MCC: variants seen among roughly 807,000 people sequenced by gnomAD.
The protein encoded by MCC is MCC regulator of Wnt signaling pathway.
In MCC, 90 loss-of-function variants were observed where a neutral mutation model predicts 116.2. The observed-to-expected ratio is 0.77, with a 90% CI of 0.65 to 0.92. The LOEUF (loss-of-function observed/expected upper bound fraction) is 0.92. Ranked by LOEUF, MCC falls within the 40% of genes least tolerant of loss-of-function variation. The pLI, the probability that MCC is intolerant of heterozygous loss-of-function variation, is 0.00. For synonymous variants in MCC, 578 were observed against 510.5 expected, an observed-to-expected ratio of 1.13 and a Z score of -1.78; for missense variants, 1,516 against 1,312.2, an observed-to-expected ratio of 1.16 and a Z score of -2.40.
chr5:113,110,494 G>A (rs1427943172), intron 6 of MCC, among the ~76,000 whole-genome samples: 1 of 152,240 alleles, frequency 6.6e-6, no homozygotes, highest in Non-Finnish European at 1.5e-5. Context: ...GGTGTGAAGT[G>A]ATGTGATGCC....
chr5:113,087,312 G>A (rs1045090929), intron 8 of MCC, among the ~76,000 whole-genome samples: 5 of 152,210 alleles, frequency 3.3e-5, no homozygotes, highest in African/African-American at 1.2e-4. Flanking sequence ...CTAATGCTCT[G>A]CCACGGTTCC....
At chr5:113,064,572 C>T (rs1414474281) in intron 13 of MCC, among the ~76,000 whole-genome samples, 2 of 152,250 alleles carry the variant, frequency 1.3e-5, no homozygotes, top group African/African-American at 4.8e-5. Context: ...GAGGGAGAAA[C>T]TAGGGCAAAA....
At chr5:113,320,150 T>C (rs939181212) in intron 3 of MCC, among the ~76,000 whole-genome samples, 32 of 152,338 alleles carry the variant, frequency 2.1e-4, no homozygotes, top group African/African-American at 7.7e-4. Flanking sequence ...CTTATTAGCG[T>C]ATATAAACTT....
Position 113,068,033 on chromosome 5 carries a change from G to A in MCC, c.2029+47C>T, listed in dbSNP as rs755330253. ...TTGCTGAGACAGGGGCAGAAGCAAA[G>A]GAGGCAGGGAGACAAGAGGAGGAAG... On this transcript the variant is annotated intron_variant, in intron 13 of 18. Transcript: ENST00000408903. 6.0e-6 allele frequency: 9 copies of A among 1,498,516 alleles called. No homozygotes were observed. The South Asian group carries it at 9.0e-5, about 15-fold the overall frequency. 92.8% of individuals were successfully genotyped at this position (1,498,516 alleles called of 1,614,324 possible).
At chr5:113,364,238 G>GAAAAA (rs60976854) in intron 2 of MCC, among the ~76,000 whole-genome samples, 12 of 49,426 alleles carry the variant, frequency 2.4e-4, no homozygotes, top group East Asian at 8.2e-4. Context: ...CTCAAAAACA[G>GAAAAA]AAAAAAAAAA....
chr5:113,178,100 A>C (rs77070251), intron 3 of MCC, among the ~76,000 whole-genome samples: 1 of 152,218 alleles, frequency 6.6e-6, no homozygotes, highest in Non-Finnish European at 1.5e-5. Flanking sequence ...CACATGCAGG[A>C]AAGTGGGGTA....
At chr5:113,356,040 C>G (rs1164349669) in intron 2 of MCC, among the ~76,000 whole-genome samples, 2 of 148,650 alleles carry the variant, frequency 1.3e-5, no homozygotes, top group African/African-American at 5.0e-5. Context: ...CTATTGGGTC[C>G]TTTGAAGTGA....
At chr5:113,120,676 G>C (rs4078253) in intron 6 of MCC, among the ~76,000 whole-genome samples, 77,884 of 152,070 alleles carry the variant, frequency 0.51, 21,592 homozygotes, top group East Asian at 0.72. Context: ...CCGCCTAGTG[G>C]AATTTAGTGG....
rs188402845 is a variant in MCC, at chr5:113,377,185, C to T, written c.415+7783G>A. On this transcript the variant is annotated intron_variant, in intron 2 of 18. Transcript: ENST00000408903. ...TGGTCACATTTGCATTCTCTCTCAC[C>T]ACCTCCCACTTCTTCTTCAAAGTAT... Among the ~76,000 whole-genome samples the T allele has an allele frequency of 1.7e-3, 265 of 152,266 alleles. 2 individuals are homozygous for T. Among genetic ancestry groups the T allele is most frequent in the African/African-American group, 6.1e-3 (255 of 41,546 alleles).
intron 2 of MCC, among the ~76,000 whole-genome samples, chr5:113,360,632 A>G (rs1017826410): frequency 1.3e-5 from 2 of 152,198 alleles, no homozygotes; most frequent in East Asian, 1.9e-4. Context: ...TTCAGACTTT[A>G]TACTCCTTAA....
At chr5:113,340,849 T>C in intron 2 of MCC, 119 bp from the exon 3 acceptor site, 2 of 746,494 alleles carry the variant, frequency 2.7e-6, no homozygotes, top group East Asian at 2.7e-5. Flanking sequence ...TCAGAACACA[T>C]GTGATGCCCA....
Position 113,086,306 on chromosome 5 carries a change from G to GGGGGTGAGAGTC in MCC, c.1399-997_1399-996insGACTCTCACCCC, listed in dbSNP as rs1554115967. Among the ~76,000 whole-genome samples, 332 of 151,656 alleles carry GGGGGTGAGAGTC rather than the reference G, an allele frequency of 2.2e-3. 5 individuals carry two copies. The East Asian group carries it at 0.046, about 21-fold the overall frequency. On this transcript the variant is annotated intron_variant, in intron 8 of 18. Coordinates refer to ENST00000408903, the MANE Select transcript of MCC (RefSeq NM_001085377.2). ...AGATGGCTTTAGTGGTGATATGCCT[G>GGGGGTGAGAGTC]GGGGGTTGAACAGGTGCTAGGATGA...
chr5:113,072,667 T>C (rs1370975542), intron 11 of MCC, among the ~76,000 whole-genome samples: 2 of 152,170 alleles, frequency 1.3e-5, no homozygotes, highest in Non-Finnish European at 2.9e-5. Flanking sequence ...TCATTCTCTA[T>C]AAAATTAGTA....
Position 113,026,428 on chromosome 5 carries a change from C to T in MCC, c.*874G>A, listed in dbSNP as rs1360571945. On this transcript the variant is annotated 3_prime_UTR_variant, in exon 19 of 19. Transcript: ENST00000408903. ...ACAGCAATTATGTAGTGCCCTGGGG[C>T]GGGAAGTGCTAATAATGTTTCTCAG... The T allele has an allele frequency of 6.6e-6, 1 of 152,206 alleles. No homozygotes were observed. Among genetic ancestry groups the T allele is most frequent in the African/African-American group, 2.4e-5 (1 of 41,456 alleles). 9.4% of individuals were successfully genotyped at this position (152,206 alleles called of 1,614,324 possible).
At chr5:113,321,505 C>A (rs1767421789) in intron 3 of MCC, among the ~76,000 whole-genome samples, 1 of 152,136 alleles carries the variant, frequency 6.6e-6, no homozygotes, top group Non-Finnish European at 1.5e-5. Flanking sequence ...GTGCGGAGCC[C>A]ACATTAGGAA....
intron 1 of MCC, among the ~76,000 whole-genome samples, chr5:113,421,031 A>ATT (rs151061254): frequency 4.7e-5 from 7 of 150,018 alleles, no homozygotes; most frequent in African/African-American, 1.7e-4. Context: ...TTATTTATTT[A>ATT]TTTTTTTTTT....
intron 1 of MCC, chr5:113,448,165 T>C (rs1453347151): frequency 6.6e-6 from 1 of 152,256 alleles, no homozygotes; most frequent in Non-Finnish European, 1.5e-5. Flanking sequence ...TTCCAAAAGT[T>C]TTTAAGTATG....
chr5:113,438,745 C>T (rs1770942134), intron 1 of MCC, among the ~76,000 whole-genome samples: 1 of 152,174 alleles, frequency 6.6e-6, no homozygotes. Flanking sequence ...CTAAGCACTA[C>T]AGGGAAGCTA....
intron 3 of MCC, among the ~76,000 whole-genome samples, chr5:113,218,393 A>C (rs1206134406): frequency 6.6e-6 from 1 of 152,112 alleles, no homozygotes; most frequent in Admixed American, 6.5e-5. Context: ...GGTAAAGGGC[A>C]CCTGTGATCT....
Sources: allele counts gnomAD v4.1 joint callset (sites outside exome capture counted in the v4.1 genomes callset), GRCh38; gene constraint gnomAD v4.1.1; transcripts MANE v1.5; gene names NCBI Gene and HGNC (gene_info 2026-07-23, HGNC 2026-07-21).